Variants in LCP1 observed in about 807,000 individuals in gnomAD.
LCP1 encodes lymphocyte cytosolic protein 1.
A neutral mutation model predicts 72.0 loss-of-function variants in LCP1; 23 were observed. That is an observed-to-expected ratio of 0.32 (90% CI 0.23 to 0.45). The LOEUF is 0.45. LCP1 is among the 20% of genes least tolerant of loss of function. The pLI is 1.00. For synonymous variants in LCP1, 245 were observed against 275.4 expected, an observed-to-expected ratio of 0.89 and a Z score of 1.09; for missense variants, 571 against 748.3, an observed-to-expected ratio of 0.76 and a Z score of 2.76.
intron 1 of LCP1, among the ~76,000 whole-genome samples, chr13:46,174,834 C>CAAAAAAAAA (rs398056355): frequency 2.4e-5 from 2 of 82,302 alleles, no homozygotes; most frequent in Non-Finnish European, 5.3e-5. Flanking sequence ...ACTCCATCTT[C>CAAAAAAAAA]AAAAAAAAAA....
At chr13:46,164,397 A>C (rs1055680660) in intron 1 of LCP1, among the ~76,000 whole-genome samples, 1 of 152,228 alleles carries the variant, frequency 6.6e-6, no homozygotes, top group African/African-American at 2.4e-5. Context: ...TAGAAAGTAC[A>C]TGTATTTTAA....
intron 13 of LCP1, among the ~76,000 whole-genome samples, chr13:46,138,230 T>G (rs540136760): frequency 5.4e-4 from 75 of 139,200 alleles, no homozygotes; most frequent in African/African-American, 2.1e-3. Context: ...TAGGAAAAAA[T>G]GACAAGCCAT....
intron 4 of LCP1, among the ~76,000 whole-genome samples, chr13:46,156,948 G>A (rs1195914758): frequency 2.7e-5 from 4 of 150,300 alleles, no homozygotes; most frequent in Admixed American, 1.3e-4. Context: ...AGCCTCCCCC[G>A]TAGCTGGGAC....
rs535946877 is a variant in LCP1 at position 46,142,145 on chromosome 13, G to A, written c.1502+147C>T. 43 of 705,146 alleles carry A rather than the reference G, an allele frequency of 6.1e-5. 1 individual carries two copies. The Admixed American group carries it at 9.6e-4, about 16-fold the overall frequency. 43.7% of individuals were successfully genotyped at this position (705,146 alleles called of 1,614,324 possible). A position where few individuals can be genotyped will look rare whatever the true frequency, so the allele number is the denominator to read the frequency against. ...AACTGATAGGACTGAAAAAAAAAAAGCAGAAAGGTAAAAAGTGTTTCTCTG... is the reference window on the plus strand; with the variant it reads ...AACTGATAGGACTGAAAAAAAAAAAACAGAAAGGTAAAAAGTGTTTCTCTG... On this transcript the variant is annotated intron_variant, in intron 13 of 15. Coordinates refer to ENST00000323076, the MANE Select transcript of LCP1 (RefSeq NM_002298.5).
intron 2 of LCP1, chr13:46,159,206 A>G: frequency 1.8e-6 from 1 of 558,564 alleles, no homozygotes; most frequent in Non-Finnish European, 3.2e-6. Context: ...AAGAGTCATA[A>G]TTTCTATAAG....
chr13:46,143,502 T>A, intron 11 of LCP1, 98 bp from the exon 12 acceptor site: 1 of 763,042 alleles, frequency 1.3e-6, no homozygotes, highest in Non-Finnish European at 2.3e-6. Context: ...TCAAAGAATA[T>A]TCACAACAAC....
intron 1 of LCP1, among the ~76,000 whole-genome samples, chr13:46,179,633 G>T (rs1390378694): frequency 6.6e-6 from 1 of 151,938 alleles, no homozygotes. Flanking sequence ...ATGATCAGAA[G>T]TTTTAAAAAT....
At chr13:46,143,805 G>A (rs9316190) in intron 11 of LCP1, among the ~76,000 whole-genome samples, 12,850 of 152,254 alleles carry the variant, frequency 0.084, 1,080 homozygotes, top group African/African-American at 0.22. Context: ...AGTGGCTCAC[G>A]CCTGTAATCC....
chr13:46,167,192 CTA>C (rs1336657652), intron 1 of LCP1, among the ~76,000 whole-genome samples: 3 of 152,152 alleles, frequency 2.0e-5, no homozygotes, highest in African/African-American at 7.2e-5. Flanking sequence ...TCCTCTGACA[CTA>C]TTATCTCAGG....
At chr13:46,151,879 G>A (rs2045766619) in intron 7 of LCP1, among the ~76,000 whole-genome samples, 1 of 152,194 alleles carries the variant, frequency 6.6e-6, no homozygotes, top group Admixed American at 6.5e-5. Flanking sequence ...ACTTATCAAG[G>A]TGGGCTACCT....
Position 46,150,924 on chromosome 13 carries a change from C to G in LCP1, c.882+12G>C. The G allele has an allele frequency of 6.2e-7, 1 of 1,610,876 alleles. No homozygotes were observed. Among genetic ancestry groups the G allele is most frequent in the Non-Finnish European group, 8.5e-7 (1 of 1,178,684 alleles). ...CCTGCAGAGAGTCATGTTCAAACAA[C>G]GCTCCTCCTACCTTGATGTCAGTAC... On this transcript the variant is annotated intron_variant, in intron 8 of 15. Coordinates refer to ENST00000323076, the MANE Select transcript of LCP1 (RefSeq NM_002298.5).
At chr13:46,162,179 T>C (rs374843487) in intron 1 of LCP1, among the ~76,000 whole-genome samples, 1 of 151,962 alleles carries the variant, frequency 6.6e-6, no homozygotes, top group Non-Finnish European at 1.5e-5. Flanking sequence ...TCGGGTTCTC[T>C]GCCTTCATGT....
chr13:46,150,834 C>T, intron 8 of LCP1, 102 bp downstream of exon 8: 1 of 1,320,858 alleles, frequency 7.6e-7, no homozygotes, highest in Non-Finnish European at 1.0e-6. Flanking sequence ...TACCCTGGAA[C>T]TTCTGAAGAG....
intron 1 of LCP1, among the ~76,000 whole-genome samples, chr13:46,163,877 C>T (rs915336709): frequency 2.0e-5 from 3 of 152,200 alleles, no homozygotes; most frequent in African/African-American, 7.2e-5. Context: ...TCTACCATAT[C>T]CACATATGCA....
rs2045821289 is a variant in LCP1, at chr13:46,159,008, A to C, written c.65-19T>G. On this transcript the variant is annotated intron_variant, in intron 2 of 15. Coordinates refer to ENST00000323076, the MANE Select transcript of LCP1 (RefSeq NM_002298.5). ...TCAGTATCTGTAATGTACACAATAT[A>C]CTGAAGCTTCAGGACGATTCAGGCA... is the stretch of plus-strand genomic sequence containing the variant. 1 of 1,612,976 alleles carries C rather than the reference A, an allele frequency of 6.2e-7. No homozygotes were observed. Among genetic ancestry groups the C allele is most frequent in the Non-Finnish European group, 8.5e-7 (1 of 1,179,524 alleles).
intron 1 of LCP1, among the ~76,000 whole-genome samples, chr13:46,166,558 C>T (rs2045877743): frequency 1.3e-5 from 2 of 152,104 alleles, no homozygotes; most frequent in South Asian, 4.2e-4. Flanking sequence ...CAGTACATTT[C>T]CAGAGGGGAA....
chr13:46,164,639 C>T (rs2045866644), intron 1 of LCP1, among the ~76,000 whole-genome samples: 1 of 152,208 alleles, frequency 6.6e-6, no homozygotes, highest in Non-Finnish European at 1.5e-5. Context: ...GGATAATCAG[C>T]AACTGACATT....
At chr13:46,131,889 A>G (rs1335063385) in intron 14 of LCP1, among the ~76,000 whole-genome samples, 1 of 151,962 alleles carries the variant, frequency 6.6e-6, no homozygotes, top group Admixed American at 6.6e-5. Flanking sequence ...AAGGTGAAAA[A>G]CCACCTGTTC....
intron 10 of LCP1, among the ~76,000 whole-genome samples, chr13:46,145,330 C>T (rs912915497): frequency 6.6e-6 from 1 of 152,148 alleles, no homozygotes; most frequent in Non-Finnish European, 1.5e-5. Flanking sequence ...TTGAATTAAA[C>T]ACGGCAGAGG....
Sources: gnomAD v4.1 joint callset for allele counts (sites outside exome capture counted in the v4.1 genomes callset) on GRCh38, gnomAD v4.1.1 for gene constraint, MANE v1.5 for transcripts, NCBI Gene and HGNC (gene_info 2026-07-23, HGNC 2026-07-21) for gene names.